LUZP2: variants seen among roughly 807,000 people sequenced by gnomAD.
LUZP2 encodes leucine zipper protein 2.
Under a neutral mutation model 51.6 loss-of-function variants are expected in LUZP2, and 52 were observed. The observed-to-expected ratio is 1.01, with a 90% CI of 0.81 to 1.27. LUZP2 has a LOEUF of 1.27. Among genes scored for constraint, LUZP2 ranks in the 50% most tolerant of loss-of-function variants. The pLI is 0.00. For missense variants in LUZP2, 436 were observed against 395.4 expected, an observed-to-expected ratio of 1.10 and a Z score of -0.87; for synonymous variants, 154 against 137.3, an observed-to-expected ratio of 1.12 and a Z score of -0.85.
At chr11:24,585,417 A>G (rs1047248490) in intron 1 of LUZP2, among the ~76,000 whole-genome samples, 7 of 152,284 alleles carry the variant, frequency 4.6e-5, no homozygotes, top group African/African-American at 1.7e-4. Context: ...AGTGAATTTT[A>G]TATCTTTTAC....
intron 5 of LUZP2, among the ~76,000 whole-genome samples, chr11:24,872,519 A>G (rs770898682): frequency 1.3e-5 from 2 of 152,082 alleles, no homozygotes; most frequent in Non-Finnish European, 2.9e-5. Flanking sequence ...TTAAAATGTT[A>G]ATTACCTATC....
chr11:24,711,883 A>G (rs939016769), intron 1 of LUZP2, among the ~76,000 whole-genome samples: 1 of 152,072 alleles, frequency 6.6e-6, no homozygotes, highest in Non-Finnish European at 1.5e-5. Flanking sequence ...TACTCCTAGA[A>G]CCTTATTCAT....
chr11:25,078,719 A>G lies in LUZP2; in HGVS notation c.*61A>G. 1 of 1,261,864 alleles carries G rather than the reference A, an allele frequency of 7.9e-7. No homozygotes were observed. Among genetic ancestry groups the G allele is most frequent in the South Asian group, 1.3e-5 (1 of 75,842 alleles). 78.2% of individuals were successfully genotyped at this position (1,261,864 alleles called of 1,614,324 possible). A position where few individuals can be genotyped will look rare whatever the true frequency, so the allele number is the denominator to read the frequency against. ...ATTGTCTTCATATTCTTTTTAGACC[A>G]CAAGCTTGATGGAAATACTGTTTCT... On this transcript the variant is annotated 3_prime_UTR_variant, in exon 12 of 12. Transcript: ENST00000336930.
At chr11:24,892,028 G>A (rs940315609) in intron 5 of LUZP2, 7 of 985,614 alleles carry the variant, frequency 7.1e-6, no homozygotes, top group Non-Finnish European at 8.4e-6. Flanking sequence ...TTGGAAAGGA[G>A]TATGTATTCC....
intron 5 of LUZP2, among the ~76,000 whole-genome samples, chr11:24,837,093 T>C (rs1484586450): frequency 6.6e-6 from 1 of 151,720 alleles, no homozygotes; most frequent in Non-Finnish European, 1.5e-5. Flanking sequence ...GTTCATCCGA[T>C]GTAATTTCCT....
intron 1 of LUZP2, among the ~76,000 whole-genome samples, chr11:24,651,981 A>G (rs567369778): frequency 1.3e-5 from 2 of 150,150 alleles, no homozygotes; most frequent in Non-Finnish European, 3.0e-5. Context: ...CTTTCTCTCT[A>G]TCTCTCTGTG....
At chr11:24,811,345 C>G (rs927804845) in intron 5 of LUZP2, among the ~76,000 whole-genome samples, 1 of 152,056 alleles carries the variant, frequency 6.6e-6, no homozygotes, top group Non-Finnish European at 1.5e-5. Flanking sequence ...ATACACTAAT[C>G]CCCCCCTTAA....
intron 1 of LUZP2, among the ~76,000 whole-genome samples, chr11:24,600,211 A>G (rs983991861): frequency 9.6e-5 from 14 of 145,956 alleles, no homozygotes; most frequent in African/African-American, 3.7e-4. Context: ...ACACACACAC[A>G]CACACACGCA....
chr11:25,023,849 G>A lies in LUZP2; in HGVS notation c.766-26189G>A, dbSNP rs548864654. Among the ~76,000 whole-genome samples the A allele has an allele frequency of 3.3e-5, 5 of 152,214 alleles. No individual in the cohort carries two copies. In the East Asian group the frequency reaches 5.8e-4, roughly 18 times the overall value. ...CTATGTTGTGTCTTTGTTCTCATTGGTTACAAAGAATATCTTTATTTCTGT... is the reference window on the plus strand; with the variant it reads ...CTATGTTGTGTCTTTGTTCTCATTGATTACAAAGAATATCTTTATTTCTGT... On this transcript the variant is annotated intron_variant, in intron 9 of 11. Coordinates refer to ENST00000336930, the MANE Select transcript of LUZP2 (RefSeq NM_001009909.4).
intron 1 of LUZP2, among the ~76,000 whole-genome samples, chr11:24,550,633 T>C (rs551811870): frequency 2.4e-4 from 36 of 152,246 alleles, no homozygotes; most frequent in Non-Finnish European, 3.4e-4. Flanking sequence ...CCACTGTAGA[T>C]GTCCTTCCTC....
chr11:24,713,278 G>A (rs954045528), intron 1 of LUZP2, among the ~76,000 whole-genome samples: 1 of 151,994 alleles, frequency 6.6e-6, no homozygotes, highest in Non-Finnish European at 1.5e-5. Flanking sequence ...TTGTGGGCAG[G>A]TATTGAAAAT....
chr11:24,597,097 C>A (rs1037528692), intron 1 of LUZP2, among the ~76,000 whole-genome samples: 3 of 151,944 alleles, frequency 2.0e-5, no homozygotes, highest in Non-Finnish European at 2.9e-5. Flanking sequence ...TGGTTAGAGT[C>A]AAAAACAACA....
At chr11:25,068,217 T>C (rs961656878) in intron 10 of LUZP2, among the ~76,000 whole-genome samples, 3 of 152,078 alleles carry the variant, frequency 2.0e-5, no homozygotes, top group Non-Finnish European at 4.4e-5. Context: ...TTAATGTAGA[T>C]GACGACTTTA....
At chr11:24,920,278 A>T (rs1853998759) in intron 7 of LUZP2, among the ~76,000 whole-genome samples, 1 of 151,976 alleles carries the variant, frequency 6.6e-6, no homozygotes, top group Admixed American at 6.6e-5. Flanking sequence ...TTTGAAATAA[A>T]ATAGTGGCTT....
intron 1 of LUZP2, among the ~76,000 whole-genome samples, chr11:24,643,316 G>C (rs945480078): frequency 9.9e-5 from 15 of 151,654 alleles, no homozygotes; most frequent in African/African-American, 2.4e-4. Context: ...GGGAGGTTGG[G>C]GGGTAGAGAA....
At chr11:24,540,735 A>G (rs1327090491) in intron 1 of LUZP2, among the ~76,000 whole-genome samples, 1 of 152,064 alleles carries the variant, frequency 6.6e-6, no homozygotes, top group Non-Finnish European at 1.5e-5. Flanking sequence ...ATGGGGGAGG[A>G]TGTACTTGCA....
chr11:24,906,257 C>A (rs1243380584), intron 6 of LUZP2, among the ~76,000 whole-genome samples: 5 of 150,902 alleles, frequency 3.3e-5, no homozygotes, highest in Non-Finnish European at 7.4e-5. Context: ...AAAAAATTAA[C>A]AAAGGCAGGT....
intron 3 of LUZP2, among the ~76,000 whole-genome samples, chr11:24,734,418 A>G (rs563350154): frequency 4.8e-4 from 73 of 152,050 alleles, no homozygotes; most frequent in African/African-American, 1.7e-3. Flanking sequence ...CATCAAGTGT[A>G]CATGTGGTAA....
intron 5 of LUZP2, among the ~76,000 whole-genome samples, chr11:24,860,527 C>T (rs58228431): frequency 0.14 from 21,166 of 152,110 alleles, 1,591 homozygotes; most frequent in South Asian, 0.19. Flanking sequence ...GCACCCTATA[C>T]AGGAGTGATC....
Sources: allele counts gnomAD v4.1 joint callset (sites outside exome capture counted in the v4.1 genomes callset), GRCh38; gene constraint gnomAD v4.1.1; transcripts MANE v1.5; gene names NCBI Gene and HGNC (gene_info 2026-07-23, HGNC 2026-07-21).